RAB38: variants seen among roughly 807,000 people sequenced by gnomAD.
RAB38 encodes the protein RAB38, member RAS oncogene family, also known as ras-related protein Rab-38.
In RAB38, 15 loss-of-function variants were observed where a neutral mutation model predicts 18.4. That is an observed-to-expected ratio of 0.82 (90% CI 0.55 to 1.26). The LOEUF is 1.26. Ranked by LOEUF, RAB38 falls within the 50% of genes most tolerant of loss-of-function variation. The pLI is 0.00. For missense variants in RAB38, 294 were observed against 267.4 expected (o/e 1.10, Z -0.69); for synonymous variants, 101 against 104.4 (o/e 0.97, Z 0.20).
the RAB38 span, among the ~76,000 whole-genome samples, chr11:87,939,407 C>CACAT: frequency 7.1e-6 from 1 of 140,842 alleles, no homozygotes; most frequent in East Asian, 2.1e-4. Flanking sequence ...CACACACACA[C>CACAT]ACACACTCCT....
the RAB38 span, among the ~76,000 whole-genome samples, chr11:87,976,575 A>C: frequency 2.7e-5 from 1 of 37,054 alleles, no homozygotes; most frequent in Admixed American, 3.3e-4. Context: ...TATACAATAA[A>C]TATATATATT....
the RAB38 span, among the ~76,000 whole-genome samples, chr11:88,029,567 A>T: frequency 6.6e-6 from 1 of 152,168 alleles, no homozygotes. Flanking sequence ...AAAAAAAGGC[A>T]GGGTTTGCAG....
the RAB38 span, among the ~76,000 whole-genome samples, chr11:87,826,460 A>G: frequency 7.2e-5 from 11 of 152,142 alleles, no homozygotes; most frequent in Non-Finnish European, 8.8e-5. Context: ...TTTTACTGTG[A>G]CATTGCTTTT....
chr11:88,006,219 T>G, the RAB38 span, among the ~76,000 whole-genome samples: 4 of 151,306 alleles, frequency 2.6e-5, no homozygotes, highest in Admixed American at 2.0e-4. Flanking sequence ...AAATCAAAAC[T>G]ACAATATCAC....
the RAB38 span, among the ~76,000 whole-genome samples, chr11:87,964,480 C>G: frequency 6.6e-6 from 1 of 152,024 alleles, no homozygotes; most frequent in African/African-American, 2.4e-5. Context: ...GAACAAGTCA[C>G]AGAGCCAATT....
chr11:88,075,407 T>C, the RAB38 span, among the ~76,000 whole-genome samples: 1 of 151,930 alleles, frequency 6.6e-6, no homozygotes, highest in Non-Finnish European at 1.5e-5. Context: ...TCAGAAGATA[T>C]ACAAAAACAT....
At chr11:87,914,155 A>G in the RAB38 span, among the ~76,000 whole-genome samples, 16 of 152,132 alleles carry the variant, frequency 1.1e-4, no homozygotes, top group African/African-American at 3.9e-4. Flanking sequence ...ACAGATCATT[A>G]AGGGTGATTG....
At chr11:87,807,644 G>A in the RAB38 span, among the ~76,000 whole-genome samples, 2 of 152,316 alleles carry the variant, frequency 1.3e-5, no homozygotes, top group South Asian at 4.2e-4. Context: ...CATAATGGTA[G>A]GTGGTAGGAC....
At chr11:87,837,032 C>T in the RAB38 span, among the ~76,000 whole-genome samples, 1 of 152,132 alleles carries the variant, frequency 6.6e-6, no homozygotes, top group Non-Finnish European at 1.5e-5. Context: ...ATGGAGATAT[C>T]AAGTAATCCT....
At chr11:88,086,253 G>C in the RAB38 span, among the ~76,000 whole-genome samples, 13 of 151,962 alleles carry the variant, frequency 8.6e-5, no homozygotes, top group East Asian at 2.5e-3. Context: ...AGACAGTTTT[G>C]ATTTCTATGC....
chr11:88,020,060 A>T, the RAB38 span, among the ~76,000 whole-genome samples: 1 of 152,162 alleles, frequency 6.6e-6, no homozygotes, highest in African/African-American at 2.4e-5. Flanking sequence ...TGAGTCTTTG[A>T]GACAACTTGA....
the RAB38 span, among the ~76,000 whole-genome samples, chr11:88,004,490 CAA>C: frequency 1.3e-5 from 2 of 151,100 alleles, no homozygotes. Flanking sequence ...TCATAAAGGA[CAA>C]CTATGAAAAA....
the RAB38 span, among the ~76,000 whole-genome samples, chr11:88,023,564 G>C: frequency 6.6e-6 from 1 of 151,800 alleles, no homozygotes; most frequent in African/African-American, 2.4e-5. Flanking sequence ...AATTTCTATA[G>C]AATCACAAAA....
chr11:87,870,268 G>A, the RAB38 span, among the ~76,000 whole-genome samples: 4 of 151,606 alleles, frequency 2.6e-5, no homozygotes, highest in Admixed American at 2.6e-4. Context: ...AGCTTTCACA[G>A]TTCTGTGAAA....
At chr11:87,853,717 T>A in the RAB38 span, among the ~76,000 whole-genome samples, 5 of 152,220 alleles carry the variant, frequency 3.3e-5, no homozygotes, top group African/African-American at 1.2e-4. Flanking sequence ...AGTCTTGAAT[T>A]TGATAGAAAT....
the RAB38 span, among the ~76,000 whole-genome samples, chr11:87,864,634 AT>A: frequency 1.3e-5 from 2 of 151,768 alleles, no homozygotes; most frequent in African/African-American, 4.8e-5. Context: ...GCTCAAAAAA[AT>A]AAAATAATTT....
chr11:87,807,173 C>T, the RAB38 span, among the ~76,000 whole-genome samples: 1 of 152,204 alleles, frequency 6.6e-6, no homozygotes, highest in Non-Finnish European at 1.5e-5. Context: ...GACCATCCCC[C>T]ACAAAAATCT....
the RAB38 span, among the ~76,000 whole-genome samples, chr11:87,942,370 C>G: frequency 6.6e-6 from 1 of 152,006 alleles, no homozygotes; most frequent in Non-Finnish European, 1.5e-5. Flanking sequence ...CATTGTAAAC[C>G]TGAAACAATA....
At chr11:88,059,445 C>A in the RAB38 span, among the ~76,000 whole-genome samples, 1 of 152,216 alleles carries the variant, frequency 6.6e-6, no homozygotes, top group Non-Finnish European at 1.5e-5. Flanking sequence ...ATGCCTCCCT[C>A]TTTAGAGAAG....
Sources: allele counts gnomAD v4.1 joint callset (sites outside exome capture counted in the v4.1 genomes callset), GRCh38; gene constraint gnomAD v4.1.1; transcripts MANE v1.5; gene names NCBI Gene and HGNC (gene_info 2026-07-23, HGNC 2026-07-21).